RBFOX1: variants seen among roughly 807,000 people sequenced by gnomAD.
The protein encoded by RBFOX1 is RNA binding protein fox-1 homolog 1.
In RBFOX1, 8 loss-of-function variants were observed where a neutral mutation model predicts 57.7. The observed-to-expected ratio is 0.14, with a 90% CI of 0.08 to 0.25. The LOEUF (loss-of-function observed/expected upper bound fraction) is 0.25. RBFOX1 is among the 10% of genes least tolerant of loss of function. RBFOX1 has a pLI of 1.00. For synonymous variants in RBFOX1, 326 were observed against 222.4 expected (o/e 1.47, Z -4.15); for missense variants, 611 against 548.5 (o/e 1.11, Z -1.14).
At position 6,990,588 on chromosome 16, in the gene RBFOX1, T is replaced by C. The variant is rs538617847; in HGVS notation, c.-15-61469T>C. On this transcript the variant is annotated intron_variant, in intron 3 of 15. Transcript: ENST00000550418. Reference sequence around the variant, plus strand: ...ATGATACTGTGTCCCATAAAATATATCCAAGTTTACCAAGTAGAAGTAGCA... The same window carrying C: ...ATGATACTGTGTCCCATAAAATATACCCAAGTTTACCAAGTAGAAGTAGCA... Among the ~76,000 whole-genome samples the C allele has an allele frequency of 9.2e-5, 14 of 152,126 alleles. No homozygotes were observed. The South Asian group carries it at 2.9e-3, about 32-fold the overall frequency.
At chr16:6,655,180 C>G (rs1055603874) in intron 3 of RBFOX1, among the ~76,000 whole-genome samples, 1 of 151,148 alleles carries the variant, frequency 6.6e-6, no homozygotes, top group African/African-American at 2.4e-5. Flanking sequence ...TAGAGACCAA[C>G]CTGGCCAACA....
At chr16:5,373,777 C>T (rs932884081) in intron 1 of RBFOX1, among the ~76,000 whole-genome samples, 1 of 151,834 alleles carries the variant, frequency 6.6e-6, no homozygotes, top group African/African-American at 2.4e-5. Flanking sequence ...CTAATTTTTG[C>T]ACTTTTAATA....
chr16:5,911,852 A>G (rs2058609584), intron 4 of RBFOX1, among the ~76,000 whole-genome samples: 1 of 151,780 alleles, frequency 6.6e-6, no homozygotes. Context: ...TGAGGGCCCC[A>G]CCCCCATGGC....
chr16:5,813,326 A>G (rs2055502603), intron 3 of RBFOX1, among the ~76,000 whole-genome samples: 2 of 152,242 alleles, frequency 1.3e-5, no homozygotes, highest in South Asian at 2.1e-4. Context: ...ACAACATTGT[A>G]CAACCATTAT....
chr16:5,463,318 C>T (rs1339682767), intron 1 of RBFOX1, among the ~76,000 whole-genome samples: 1 of 152,106 alleles, frequency 6.6e-6, no homozygotes, highest in Non-Finnish European at 1.5e-5. Context: ...AGCTCAGTGG[C>T]ATGAAGTGCG....
At chr16:6,023,949 A>T (rs568355928) in intron 1 of RBFOX1, among the ~76,000 whole-genome samples, 85 of 152,324 alleles carry the variant, frequency 5.6e-4, no homozygotes, top group African/African-American at 2.0e-3. Flanking sequence ...AAACAAGGGG[A>T]TCTAGCACTT....
At chr16:7,435,512 C>A (rs2098714586) in intron 4 of RBFOX1, among the ~76,000 whole-genome samples, 1 of 152,200 alleles carries the variant, frequency 6.6e-6, no homozygotes, top group Non-Finnish European at 1.5e-5. Flanking sequence ...GCAGTTGACA[C>A]TTACGGGTGA....
chr16:7,473,037 G>A (rs550745533), intron 4 of RBFOX1, among the ~76,000 whole-genome samples: 7 of 152,060 alleles, frequency 4.6e-5, no homozygotes, highest in Non-Finnish European at 7.4e-5. Flanking sequence ...AAAAGCAGAA[G>A]AATGTCTCTG....
chr16:7,426,876 C>T (rs937201657), intron 4 of RBFOX1, among the ~76,000 whole-genome samples: 5 of 152,110 alleles, frequency 3.3e-5, no homozygotes, highest in East Asian at 3.9e-4. Context: ...CATTCCTGCA[C>T]GGCTTGTTAA....
chr16:6,817,954 T>C (rs1403135226), intron 3 of RBFOX1, among the ~76,000 whole-genome samples: 1 of 152,164 alleles, frequency 6.6e-6, no homozygotes, highest in African/African-American at 2.4e-5. Context: ...GGCTTCAGAA[T>C]GAGATGATCT....
chr16:6,466,971 T>C (rs919160766), intron 2 of RBFOX1, among the ~76,000 whole-genome samples: 3 of 151,666 alleles, frequency 2.0e-5, no homozygotes, highest in African/African-American at 7.3e-5. Context: ...TTTGTATTAA[T>C]TACACTTAAT....
At chr16:6,156,349 G>A (rs375162572) in intron 1 of RBFOX1, among the ~76,000 whole-genome samples, 11 of 152,128 alleles carry the variant, frequency 7.2e-5, no homozygotes, top group African/African-American at 2.4e-4. Context: ...GCCTTTTCTA[G>A]CCCCACCCAG....
intron 2 of RBFOX1, among the ~76,000 whole-genome samples, chr16:5,478,434 C>T (rs1055585010): frequency 4.6e-5 from 7 of 152,032 alleles, no homozygotes; most frequent in East Asian, 1.9e-4. Context: ...TATTGATTAC[C>T]TGGGACATCT....
chr16:5,669,894 G>A (rs550444026), intron 3 of RBFOX1, among the ~76,000 whole-genome samples: 78 of 152,334 alleles, frequency 5.1e-4, no homozygotes, highest in Non-Finnish European at 1.0e-3. Flanking sequence ...AATGTTCATA[G>A]CAACATTGTT....
intron 2 of RBFOX1, among the ~76,000 whole-genome samples, chr16:6,597,630 C>A (rs576488202): frequency 1.3e-5 from 2 of 152,166 alleles, no homozygotes; most frequent in East Asian, 3.9e-4. Context: ...GCTGAGATAG[C>A]ACCATTGCAC....
At chr16:5,950,856 C>G (rs971105101) in intron 4 of RBFOX1, among the ~76,000 whole-genome samples, 2 of 151,908 alleles carry the variant, frequency 1.3e-5, no homozygotes, top group African/African-American at 4.8e-5. Flanking sequence ...GTCCAAGTGC[C>G]AGGAGAGAGG....
chr16:5,257,232 C>A (rs1412748164), intron 1 of RBFOX1, among the ~76,000 whole-genome samples: 1 of 152,160 alleles, frequency 6.6e-6, no homozygotes, highest in Admixed American at 6.5e-5. Flanking sequence ...GCAATATCTG[C>A]AAACAAACGT....
At chr16:5,388,527 G>C (rs2066315541) in intron 1 of RBFOX1, among the ~76,000 whole-genome samples, 1 of 152,002 alleles carries the variant, frequency 6.6e-6, no homozygotes. Flanking sequence ...TTGGCCTGTG[G>C]TTTGCTGTGG....
At chr16:7,433,093 A>T (rs943812836) in intron 4 of RBFOX1, among the ~76,000 whole-genome samples, 1 of 152,214 alleles carries the variant, frequency 6.6e-6, no homozygotes, top group Admixed American at 6.5e-5. Context: ...TGGAAGTGGG[A>T]TAGTTGGGGT....
Sources: gnomAD v4.1 joint callset for allele counts (sites outside exome capture counted in the v4.1 genomes callset) on GRCh38, gnomAD v4.1.1 for gene constraint, MANE v1.5 for transcripts, NCBI Gene and HGNC (gene_info 2026-07-23, HGNC 2026-07-21) for gene names.